UBE3D: variants seen among roughly 807,000 people sequenced by gnomAD.
UBE3D encodes ubiquitin protein ligase E3D.
A neutral mutation model predicts 49.6 loss-of-function variants in UBE3D; 48 were observed. The observed-to-expected ratio is 0.97, with a 90% CI of 0.77 to 1.23. UBE3D has a LOEUF of 1.23. Ranked by LOEUF, UBE3D falls within the 50% of genes most tolerant of loss-of-function variation. UBE3D has a pLI of 0.00. For missense variants in UBE3D, 452 were observed against 468.4 expected, an observed-to-expected ratio of 0.96 and a Z score of 0.32; for synonymous variants, 189 against 174.2, an observed-to-expected ratio of 1.08 and a Z score of -0.67.
At chr6:83,002,556 G>A (rs1779705115) in intron 8 of UBE3D, among the ~76,000 whole-genome samples, 1 of 152,184 alleles carries the variant, frequency 6.6e-6, no homozygotes, top group South Asian at 2.1e-4. Context: ...GTGGTAGCGG[G>A]CACCTGTAAT....
chr6:82,944,854 G>C (rs1183916208), intron 9 of UBE3D, among the ~76,000 whole-genome samples: 1 of 152,170 alleles, frequency 6.6e-6, no homozygotes, highest in East Asian at 1.9e-4. Flanking sequence ...TGGTGGTTGT[G>C]GTCATGGAGT....
chr6:82,975,012 A>G (rs1382044336), intron 8 of UBE3D, among the ~76,000 whole-genome samples: 2 of 152,170 alleles, frequency 1.3e-5, no homozygotes, highest in Non-Finnish European at 2.9e-5. Context: ...CAAAAATACA[A>G]TAATTTATAA....
chr6:82,990,962 C>T (rs1012540855), intron 8 of UBE3D, among the ~76,000 whole-genome samples: 22 of 152,180 alleles, frequency 1.4e-4, no homozygotes, highest in African/African-American at 3.4e-4. Flanking sequence ...TTGGTTTACA[C>T]GGTCAAGATG....
chr6:83,063,872 TCA>T (rs746384994), intron 1 of UBE3D, among the ~76,000 whole-genome samples: 5 of 152,212 alleles, frequency 3.3e-5, no homozygotes, highest in Non-Finnish European at 4.4e-5. Context: ...CCCAGAAATT[TCA>T]CTCTTAGGTA....
intron 1 of UBE3D, among the ~76,000 whole-genome samples, chr6:83,065,215 A>G (rs1382487251): frequency 6.6e-6 from 1 of 152,236 alleles, no homozygotes; most frequent in Non-Finnish European, 1.5e-5. Flanking sequence ...TTACAAAACA[A>G]GAAGCTCACA....
chr6:82,880,930 T>C, the UBE3D span, among the ~76,000 whole-genome samples: 1 of 152,128 alleles, frequency 6.6e-6, no homozygotes, highest in African/African-American at 2.4e-5. Flanking sequence ...TGTTATGTCC[T>C]TATGTGAGGG....
chr6:82,914,219 T>C (rs1228167562), intron 9 of UBE3D, among the ~76,000 whole-genome samples: 1 of 152,238 alleles, frequency 6.6e-6, no homozygotes, highest in Non-Finnish European at 1.5e-5. Context: ...GTGAAAAAGA[T>C]GCAGTCTGAC....
intron 9 of UBE3D, among the ~76,000 whole-genome samples, chr6:82,929,981 G>A (rs941147861): frequency 3.3e-5 from 5 of 152,086 alleles, no homozygotes; most frequent in African/African-American, 4.8e-5. Flanking sequence ...TGATGATATG[G>A]TTTGGCTGCA....
intron 8 of UBE3D, among the ~76,000 whole-genome samples, chr6:83,011,969 C>A (rs1031987437): frequency 6.6e-6 from 1 of 152,088 alleles, no homozygotes; most frequent in Non-Finnish European, 1.5e-5. Context: ...AGAACTTTGC[C>A]CCAGCCCTGC....
chr6:82,885,824 G>A, the UBE3D span, among the ~76,000 whole-genome samples: 2 of 152,114 alleles, frequency 1.3e-5, no homozygotes, highest in East Asian at 1.9e-4. Flanking sequence ...CTCCAATCCA[G>A]CCAAATGTTC....
intron 8 of UBE3D, among the ~76,000 whole-genome samples, chr6:82,974,559 AT>A (rs745398215): frequency 6.6e-6 from 1 of 151,688 alleles, no homozygotes; most frequent in African/African-American, 2.4e-5. Context: ...TTGTGTTTTT[AT>A]TTTTTTTAAC....
At chr6:82,881,215 T>C in the UBE3D span, among the ~76,000 whole-genome samples, 8 of 152,268 alleles carry the variant, frequency 5.3e-5, no homozygotes, top group Non-Finnish European at 1.2e-4. Context: ...GAGAGTGACA[T>C]GATCAGAGTC....
At chr6:82,991,686 T>C (rs1180390777) in intron 8 of UBE3D, among the ~76,000 whole-genome samples, 2 of 152,160 alleles carry the variant, frequency 1.3e-5, no homozygotes, top group African/African-American at 4.8e-5. Flanking sequence ...TTAAGAAATT[T>C]ATCATTTTGA....
chr6:82,964,872 G>GAA (rs1776799444), intron 8 of UBE3D, among the ~76,000 whole-genome samples: 1 of 152,134 alleles, frequency 6.6e-6, no homozygotes, highest in East Asian at 1.9e-4. Flanking sequence ...AATAGACCCT[G>GAA]AAAAAATGCA....
chr6:82,933,954 T>A (rs1582391654), intron 9 of UBE3D, among the ~76,000 whole-genome samples: 1 of 152,142 alleles, frequency 6.6e-6, no homozygotes, highest in African/African-American at 2.4e-5. Context: ...TTAAAAAAAA[T>A]CATTATGAGT....
intron 5 of UBE3D, among the ~76,000 whole-genome samples, chr6:83,027,647 A>G (rs1029625647): frequency 2.0e-5 from 3 of 152,028 alleles, no homozygotes; most frequent in Non-Finnish European, 4.4e-5. Flanking sequence ...TGTTCCTTTG[A>G]AGGCACTCTG....
the UBE3D span, among the ~76,000 whole-genome samples, chr6:82,885,792 A>T: frequency 3.9e-5 from 6 of 152,192 alleles, no homozygotes; most frequent in African/African-American, 1.4e-4. Flanking sequence ...TTCCTATCTT[A>T]TTCACAGTCC....
At chr6:82,940,436 A>T (rs1488762229) in intron 9 of UBE3D, among the ~76,000 whole-genome samples, 2 of 152,248 alleles carry the variant, frequency 1.3e-5, no homozygotes, top group Non-Finnish European at 2.9e-5. Flanking sequence ...CCAGCACTCA[A>T]GTCCTGATTA....
At chr6:82,895,154 T>C (rs907210054) in intron 9 of UBE3D, among the ~76,000 whole-genome samples, 1 of 151,942 alleles carries the variant, frequency 6.6e-6, no homozygotes, top group South Asian at 2.1e-4. Context: ...CTACTAAGAA[T>C]ACAAAAATTA....
Sources: allele counts gnomAD v4.1 joint callset (sites outside exome capture counted in the v4.1 genomes callset), GRCh38; gene constraint gnomAD v4.1.1; transcripts MANE v1.5; gene names NCBI Gene and HGNC (gene_info 2026-07-23, HGNC 2026-07-21).